FAM117B: variants seen among roughly 807,000 people sequenced by gnomAD.
The protein encoded by FAM117B is protein FAM117B.
A neutral mutation model predicts 52.8 loss-of-function variants in FAM117B; 22 were observed. The observed-to-expected ratio is 0.42, with a 90% CI of 0.30 to 0.59. The LOEUF is 0.59. Among genes scored for constraint, FAM117B ranks in the 20% least tolerant of loss-of-function variants. The pLI is 0.22. For synonymous variants in FAM117B, 309 were observed against 324.1 expected, an observed-to-expected ratio of 0.95 and a Z score of 0.50; for missense variants, 678 against 802.6, an observed-to-expected ratio of 0.84 and a Z score of 1.88.
chr2:202,752,080 G>T (rs1691733258), intron 4 of FAM117B, among the ~76,000 whole-genome samples: 2 of 151,854 alleles, frequency 1.3e-5, no homozygotes, highest in Non-Finnish European at 2.9e-5. Context: ...GACACTATAT[G>T]TGAAAGAAAA....
chr2:202,694,402 G>T (rs894709648), intron 1 of FAM117B, among the ~76,000 whole-genome samples: 4 of 151,558 alleles, frequency 2.6e-5, no homozygotes, highest in Admixed American at 2.0e-4. Flanking sequence ...TGTTGGCCAG[G>T]GTGGTCTCGA....
intron 1 of FAM117B, among the ~76,000 whole-genome samples, chr2:202,657,789 T>A (rs1690074336): frequency 6.6e-6 from 1 of 152,220 alleles, no homozygotes; most frequent in Admixed American, 6.5e-5. Context: ...TGGCCCCTTC[T>A]GCTTTTTGTT....
intron 1 of FAM117B, among the ~76,000 whole-genome samples, chr2:202,676,768 G>A (rs1303817737): frequency 6.6e-6 from 1 of 152,160 alleles, no homozygotes; most frequent in African/African-American, 2.4e-5. Flanking sequence ...TGCAAGAGGG[G>A]TGCTGCCACA....
At chr2:202,677,903 C>T (rs1320526989) in intron 1 of FAM117B, among the ~76,000 whole-genome samples, 1 of 152,118 alleles carries the variant, frequency 6.6e-6, no homozygotes, top group African/African-American at 2.4e-5. Context: ...ATGAATTGCT[C>T]AGTGTTTGTT....
chr2:202,703,510 A>ATG lies in FAM117B; in HGVS notation c.753+7479_753+7480dup, dbSNP rs148768745. Among the ~76,000 whole-genome samples, 1,301 of 152,180 alleles carry ATG rather than the reference A, an allele frequency of 8.5e-3. 23 individuals carry two copies. The highest frequency in any genetic ancestry group is 0.03 in the African/African-American group (1,229 of 41,518). ...GCTAGGACTATGGGCTTGCACCACT[A>ATG]TGCCCAGCTAGTTTTTTGAGTTTTT... On this transcript the variant is annotated intron_variant, in intron 2 of 7. Transcript: ENST00000392238.
At chr2:202,687,472 C>T (rs79743557) in intron 1 of FAM117B, among the ~76,000 whole-genome samples, 252 of 152,254 alleles carry the variant, frequency 1.7e-3, no homozygotes, top group Non-Finnish European at 3.1e-3. Flanking sequence ...TGCAGTGACT[C>T]AATCATAGCT....
intron 2 of FAM117B, among the ~76,000 whole-genome samples, chr2:202,722,705 G>T (rs550802916): frequency 1.1e-4 from 16 of 152,120 alleles, no homozygotes; most frequent in Admixed American, 9.2e-4. Context: ...GAGGATCAGG[G>T]AAAATAGCTA....
At chr2:202,693,332 G>GGC (rs1260062817) in intron 1 of FAM117B, among the ~76,000 whole-genome samples, 5 of 146,982 alleles carry the variant, frequency 3.4e-5, no homozygotes, top group African/African-American at 1.4e-4. Flanking sequence ...ACACTGGCCG[G>GGC]GTGTGGTGCC....
chr2:202,709,369 A>T (rs1690926162), intron 2 of FAM117B, among the ~76,000 whole-genome samples: 1 of 151,960 alleles, frequency 6.6e-6, no homozygotes, highest in Non-Finnish European at 1.5e-5. Context: ...CGCCCAGCTA[A>T]TTTTTGTATT....
chr2:202,648,113 A>G (rs1689896719), intron 1 of FAM117B, among the ~76,000 whole-genome samples: 2 of 152,214 alleles, frequency 1.3e-5, no homozygotes, highest in African/African-American at 4.8e-5. Context: ...TAAGGAGAAT[A>G]CAGTCAGCAG....
intron 7 of FAM117B, among the ~76,000 whole-genome samples, chr2:202,760,748 T>C (rs2105801029): frequency 6.6e-6 from 1 of 152,342 alleles, no homozygotes; most frequent in South Asian, 2.1e-4. Flanking sequence ...CTAGTAATCA[T>C]CTCAGTAATA....
At chr2:202,726,016 CTATT>C (rs1021302274) in intron 3 of FAM117B, among the ~76,000 whole-genome samples, 2 of 152,052 alleles carry the variant, frequency 1.3e-5, no homozygotes, top group African/African-American at 4.8e-5. Flanking sequence ...GTGCTGAAAA[CTATT>C]TGTGTAGTAC....
chr2:202,759,510 A>G (rs1200469282), intron 7 of FAM117B, among the ~76,000 whole-genome samples, 157 bp downstream of exon 7: 2 of 149,476 alleles, frequency 1.3e-5, no homozygotes, highest in Non-Finnish European at 3.0e-5. Context: ...TCCCACCTCA[A>G]CCTCCCAAGT....
chr2:202,757,572 A>C (rs1459296821), intron 6 of FAM117B, 134 bp downstream of exon 6: 1 of 952,502 alleles, frequency 1.0e-6, no homozygotes, highest in Non-Finnish European at 1.6e-6. Context: ...TAGGTTTTCA[A>C]TTTGGAGTGT....
chr2:202,746,518 AAACAATCTG>A (rs1691636312), intron 4 of FAM117B, among the ~76,000 whole-genome samples: 1 of 152,304 alleles, frequency 6.6e-6, no homozygotes, highest in African/African-American at 2.4e-5. Context: ...GATTTCAAAT[AAACAATCTG>A]AAGAGTGTAC....
chr2:202,692,820 T>C (rs1690655307), intron 1 of FAM117B, among the ~76,000 whole-genome samples: 1 of 152,236 alleles, frequency 6.6e-6, no homozygotes, highest in Non-Finnish European at 1.5e-5. Context: ...CTGTGTGTAC[T>C]TAATTCTGCC....
chr2:202,699,426 C>CAAAAAAAAAAAAAAAAAA (rs751190825), intron 2 of FAM117B, among the ~76,000 whole-genome samples: 19 of 17,870 alleles, frequency 1.1e-3, no homozygotes, highest in Admixed American at 3.0e-3. Context: ...GACCCCATCT[C>CAAAAAAAAAAAAAAAAAA]AAAAAAAAAA....
chr2:202,650,981 C>T (rs979748122), intron 1 of FAM117B, among the ~76,000 whole-genome samples: 2 of 151,740 alleles, frequency 1.3e-5, no homozygotes, highest in Non-Finnish European at 2.9e-5. Context: ...TTGCATCCTT[C>T]AATACAGTCA....
intron 2 of FAM117B, among the ~76,000 whole-genome samples, chr2:202,698,934 A>G (rs1690754704): frequency 6.6e-6 from 1 of 152,174 alleles, no homozygotes; most frequent in Admixed American, 6.5e-5. Flanking sequence ...TTTAGGTTCA[A>G]TGGGTTCAGA....
Sources: allele counts gnomAD v4.1 joint callset (sites outside exome capture counted in the v4.1 genomes callset), GRCh38; gene constraint gnomAD v4.1.1; transcripts MANE v1.5; gene names NCBI Gene and HGNC (gene_info 2026-07-23, HGNC 2026-07-21).